Variants in OSBPL1A observed in about 807,000 individuals in gnomAD.
The protein encoded by OSBPL1A is oxysterol binding protein like 1A.
OSBPL1A carries 80 observed loss-of-function variants against 137.1 expected under a neutral mutation model. The observed-to-expected ratio is 0.58, with a 90% CI of 0.49 to 0.70. The LOEUF (loss-of-function observed/expected upper bound fraction) is 0.70, where lower values mean the gene tolerates loss of function less well. Among genes scored for constraint, OSBPL1A ranks in the 30% least tolerant of loss-of-function variants. The pLI is 0.00. For synonymous variants in OSBPL1A, 365 were observed against 389.7 expected, an observed-to-expected ratio of 0.94 and a Z score of 0.75; for missense variants, 970 against 1,129.4, an observed-to-expected ratio of 0.86 and a Z score of 2.02.
chr18:24,308,376 A>AT (rs1233269188), intron 13 of OSBPL1A, among the ~76,000 whole-genome samples: 5 of 135,164 alleles, frequency 3.7e-5, no homozygotes, highest in East Asian at 4.0e-4. Context: ...CAGCCTCAAA[A>AT]TTAAAAAAAA....
chr18:24,312,723 G>C (rs2090640850), intron 12 of OSBPL1A, among the ~76,000 whole-genome samples: 1 of 152,176 alleles, frequency 6.6e-6, no homozygotes, highest in African/African-American at 2.4e-5. Flanking sequence ...TCATGAGTTA[G>C]ATTGTTTAGG....
chr18:24,363,626 C>CCCTT (rs1013792546), intron 4 of OSBPL1A, among the ~76,000 whole-genome samples: 3 of 148,806 alleles, frequency 2.0e-5, no homozygotes, highest in Non-Finnish European at 3.0e-5. Context: ...CTTTTCTTTT[C>CCCTT]CCTTCCTTCC....
chr18:24,238,780 C>T (rs1567967342), intron 16 of OSBPL1A, among the ~76,000 whole-genome samples: 1 of 152,198 alleles, frequency 6.6e-6, no homozygotes, highest in African/African-American at 2.4e-5. Context: ...CTCACCTCTA[C>T]TGTGGCACTT....
At chr18:24,306,636 T>C (rs2090506098) in intron 13 of OSBPL1A, among the ~76,000 whole-genome samples, 1 of 152,150 alleles carries the variant, frequency 6.6e-6, no homozygotes, top group Admixed American at 6.5e-5. Context: ...AGGTCAGTGG[T>C]TGCCAGAGAT....
intron 7 of OSBPL1A, among the ~76,000 whole-genome samples, chr18:24,323,786 G>A (rs1404100772): frequency 3.6e-5 from 1 of 27,406 alleles, no homozygotes; most frequent in Non-Finnish European, 6.8e-5. Context: ...ACCTATGAGT[G>A]AGAATATGCG....
chr18:24,180,597 G>A (rs112263174), intron 19 of OSBPL1A, among the ~76,000 whole-genome samples: 188 of 152,242 alleles, frequency 1.2e-3, no homozygotes, highest in African/African-American at 4.2e-3. Flanking sequence ...AAAGCCAGCC[G>A]GGCACGGTGG....
chr18:24,195,857 A>G (rs2087015022), intron 18 of OSBPL1A: 1 of 411,638 alleles, frequency 2.4e-6, no homozygotes, highest in Admixed American at 4.1e-5. Flanking sequence ...TCTATGGGGC[A>G]ATATAAATGT....
chr18:24,275,998 G>A (rs910672926), intron 15 of OSBPL1A, among the ~76,000 whole-genome samples: 2 of 152,074 alleles, frequency 1.3e-5, no homozygotes, highest in Admixed American at 6.5e-5. Flanking sequence ...AAAGTGCTGG[G>A]ATTACAGGCA....
chr18:24,173,357 C>T (rs139550448), intron 21 of OSBPL1A, among the ~76,000 whole-genome samples: 21 of 152,266 alleles, frequency 1.4e-4, no homozygotes, highest in African/African-American at 5.1e-4. Context: ...ACCAACAGAA[C>T]AAACCTGCAC....
intron 5 of OSBPL1A, among the ~76,000 whole-genome samples, chr18:24,337,819 T>C (rs900455859): frequency 1.3e-5 from 2 of 151,546 alleles, no homozygotes; most frequent in African/African-American, 4.8e-5. Context: ...TCGAGCACTA[T>C]ATTTTGATTA....
chr18:24,354,851 C>G (rs1046729318), intron 4 of OSBPL1A, among the ~76,000 whole-genome samples: 1 of 150,456 alleles, frequency 6.6e-6, no homozygotes, highest in Non-Finnish European at 1.5e-5. Flanking sequence ...ATGCTGAGTT[C>G]TATTAACCGT....
intron 16 of OSBPL1A, among the ~76,000 whole-genome samples, chr18:24,232,924 C>T (rs1217355550): frequency 6.6e-6 from 1 of 152,310 alleles, no homozygotes; most frequent in South Asian, 2.1e-4. Context: ...ATATAACTAT[C>T]TATTGGTTTT....
At chr18:24,221,527 C>G (rs1345103055) in intron 17 of OSBPL1A, among the ~76,000 whole-genome samples, 1 of 152,224 alleles carries the variant, frequency 6.6e-6, no homozygotes, top group Non-Finnish European at 1.5e-5. Flanking sequence ...CCTTCCCTAT[C>G]TTAAACTTGT....
At chr18:24,231,108 C>T (rs982793552) in intron 16 of OSBPL1A, among the ~76,000 whole-genome samples, 8 of 152,138 alleles carry the variant, frequency 5.3e-5, no homozygotes, top group African/African-American at 1.9e-4. Flanking sequence ...GTCAGAATAA[C>T]ACCTTGAAAA....
rs544393929 is a variant in OSBPL1A at position 24,367,056 on chromosome 18, T to C, written c.208-90A>G. 4.9e-3 allele frequency: 5,140 copies of C among 1,057,600 alleles called. 16 individuals carry two copies. The highest frequency in any genetic ancestry group is 5.7e-3 in the Non-Finnish European group (4,324 of 757,366). 65.5% of individuals were successfully genotyped at this position (1,057,600 alleles called of 1,614,324 possible). ...ATATTAAGGCCTTAAAAAATTAAAATTGTTAATATTGTTTAGGTGTCAGTA... is the reference window on the plus strand; with the variant it reads ...ATATTAAGGCCTTAAAAAATTAAAACTGTTAATATTGTTTAGGTGTCAGTA... On this transcript the variant is annotated intron_variant, in intron 3 of 27. Coordinates refer to ENST00000319481, the MANE Select transcript of OSBPL1A (RefSeq NM_080597.4).
At chr18:24,330,150 A>G (rs2091050004) in intron 7 of OSBPL1A, among the ~76,000 whole-genome samples, 1 of 152,174 alleles carries the variant, frequency 6.6e-6, no homozygotes, top group South Asian at 2.1e-4. Flanking sequence ...GAAAATAAAA[A>G]GTTCAGGTCC....
chr18:24,302,024 C>A (rs1032773849), intron 14 of OSBPL1A, among the ~76,000 whole-genome samples: 1 of 151,952 alleles, frequency 6.6e-6, no homozygotes, highest in Non-Finnish European at 1.5e-5. Flanking sequence ...GTCAGGAGAT[C>A]GAGAGCATCC....
At chr18:24,289,422 T>G (rs2090134926) in intron 14 of OSBPL1A, among the ~76,000 whole-genome samples, 1 of 141,476 alleles carries the variant, frequency 7.1e-6, no homozygotes, top group African/African-American at 2.6e-5. Context: ...TTTCCTGTTT[T>G]TTTTTTTTTT....
At chr18:24,262,014 T>C (rs746412713) in intron 15 of OSBPL1A, among the ~76,000 whole-genome samples, 1 of 152,222 alleles carries the variant, frequency 6.6e-6, no homozygotes, top group African/African-American at 2.4e-5. Flanking sequence ...TGCTGGTGGT[T>C]GCTGGGACCT....
Sources: allele counts gnomAD v4.1 joint callset (sites outside exome capture counted in the v4.1 genomes callset), GRCh38; gene constraint gnomAD v4.1.1; transcripts MANE v1.5; gene names NCBI Gene and HGNC (gene_info 2026-07-23, HGNC 2026-07-21).